NPAS3: variants seen among roughly 807,000 people sequenced by gnomAD.
NPAS3 encodes the protein neuronal PAS domain protein 3, also known as neuronal PAS domain-containing protein 3.
Under a neutral mutation model 73.1 loss-of-function variants are expected in NPAS3, and 14 were observed. The ratio of observed to expected loss-of-function variants is 0.19; its 90% confidence interval spans 0.13 to 0.30. NPAS3 has a LOEUF of 0.30. Among genes scored for constraint, NPAS3 ranks in the 10% least tolerant of loss-of-function variants. The pLI is 1.00. For synonymous variants in NPAS3, 620 were observed against 541.5 expected (o/e 1.14, Z -2.01); for missense variants, 1,096 against 1,250.0 (o/e 0.88, Z 1.86).
At chr14:33,622,879 C>G (rs925312695) in intron 5 of NPAS3, among the ~76,000 whole-genome samples, 1 of 152,022 alleles carries the variant, frequency 6.6e-6, no homozygotes, top group Non-Finnish European at 1.5e-5. Context: ...TCTACTTGCC[C>G]GGCACCCAAT....
chr14:33,111,936 G>A lies in NPAS3; in HGVS notation c.140+55942G>A, dbSNP rs560980784. 1.5e-4 allele frequency among the ~76,000 whole-genome samples: 23 copies of A among 151,556 alleles called. No homozygotes were observed. In the South Asian group the frequency reaches 4.8e-3, roughly 32 times the overall value. ...ATGCGGTGTTTGGTTTTTTGTCCTT[G>A]GTGATAGTTTGCTGAGAATGATGGT... On this transcript the variant is annotated intron_variant, in intron 2 of 11. Coordinates refer to ENST00000356141, the Ensembl canonical transcript of NPAS3.
At chr14:32,936,425 A>C (rs559957778), upstream of NPAS3, among the ~76,000 whole-genome samples, 1 of 152,306 alleles carries the variant, frequency 6.6e-6, no homozygotes, top group East Asian at 1.9e-4. Flanking sequence ...GGAATCTTTA[A>C]TACAAAAGAT....
chr14:33,546,576 T>G (rs1195418928), intron 4 of NPAS3, among the ~76,000 whole-genome samples: 1 of 152,234 alleles, frequency 6.6e-6, no homozygotes, highest in East Asian at 1.9e-4. Flanking sequence ...TTACTCTGTA[T>G]AGTAAGCTAT....
intron 2 of NPAS3, among the ~76,000 whole-genome samples, chr14:33,198,539 A>C (rs1382266111): frequency 6.6e-6 from 1 of 152,204 alleles, no homozygotes; most frequent in Non-Finnish European, 1.5e-5. Context: ...GCAAACCTTG[A>C]GCTAGATACC....
At chr14:33,516,769 A>G (rs1566965616) in intron 4 of NPAS3, among the ~76,000 whole-genome samples, 2 of 152,100 alleles carry the variant, frequency 1.3e-5, no homozygotes, top group Non-Finnish European at 2.9e-5. Flanking sequence ...CGTGATAATG[A>G]TGGTGATGAT....
intron 4 of NPAS3, among the ~76,000 whole-genome samples, chr14:33,438,568 A>T (rs1235342148): frequency 2.6e-5 from 4 of 152,228 alleles, no homozygotes; most frequent in Non-Finnish European, 1.5e-5. Flanking sequence ...GGATAACTGC[A>T]TGATAATTGG....
chr14:33,475,381 T>A (rs1275693615), intron 4 of NPAS3, among the ~76,000 whole-genome samples: 1 of 152,168 alleles, frequency 6.6e-6, no homozygotes, highest in Non-Finnish European at 1.5e-5. Flanking sequence ...AAAACAAATT[T>A]GATGCATTTT....
intron 5 of NPAS3, among the ~76,000 whole-genome samples, chr14:33,603,374 C>A (rs59168401): frequency 0.19 from 29,192 of 152,070 alleles, 3,203 homozygotes; most frequent in East Asian, 0.42. Flanking sequence ...AGCCTAATAT[C>A]CGTGTAAGTC....
chr14:33,106,699 A>G (rs1436240207), intron 2 of NPAS3, among the ~76,000 whole-genome samples: 1 of 152,156 alleles, frequency 6.6e-6, no homozygotes, highest in African/African-American at 2.4e-5. Context: ...TTATTTCCAG[A>G]ACATAATTTG....
upstream of NPAS3, among the ~76,000 whole-genome samples, chr14:32,938,347 GTTTC>G (rs1415796663): frequency 6.6e-6 from 1 of 151,824 alleles, no homozygotes; most frequent in African/African-American, 2.4e-5. Flanking sequence ...TCCTTTTTCT[GTTTC>G]TTTCTTTCCT....
chr14:32,941,845 G>A (rs1383608885), intron 1 of NPAS3, among the ~76,000 whole-genome samples: 1 of 152,148 alleles, frequency 6.6e-6, no homozygotes, highest in Non-Finnish European at 1.5e-5. Flanking sequence ...CGCAAACTTG[G>A]TCCCTTATCC....
chr14:32,958,629 A>G (rs1488598596), intron 1 of NPAS3, among the ~76,000 whole-genome samples: 1 of 152,210 alleles, frequency 6.6e-6, no homozygotes, highest in African/African-American at 2.4e-5. Flanking sequence ...CTCATTTGCC[A>G]TCAAGATCTC....
At chr14:33,392,436 A>T (rs1376761121) in intron 4 of NPAS3, among the ~76,000 whole-genome samples, 1 of 152,206 alleles carries the variant, frequency 6.6e-6, no homozygotes, top group East Asian at 1.9e-4. Flanking sequence ...ATCTGTACCT[A>T]GGTCTGTCGG....
chr14:33,303,773 A>G (rs1555371010), intron 3 of NPAS3, among the ~76,000 whole-genome samples: 1 of 135,106 alleles, frequency 7.4e-6, no homozygotes, highest in Non-Finnish European at 1.6e-5. Context: ...TTATTGGAGA[A>G]TAGCAGTTAT....
At chr14:33,561,128 C>T (rs368904860) in intron 5 of NPAS3, among the ~76,000 whole-genome samples, 6 of 152,292 alleles carry the variant, frequency 3.9e-5, no homozygotes, top group Non-Finnish European at 5.9e-5. Context: ...ATCTACCGCT[C>T]GTTCAGTTGC....
rs569965041 is a variant in NPAS3, at chr14:33,701,968, G to A, written c.733+25583G>A. 6.6e-5 allele frequency among the ~76,000 whole-genome samples: 10 copies of A among 152,258 alleles called. No homozygotes were observed. The South Asian group carries it at 2.1e-3, about 32-fold the overall frequency. ...AGATGGATGTAGAACCAACTATATA[G>A]GAAGCAAAACTAAACTGAGATGCTG... is the stretch of plus-strand genomic sequence containing the variant. On this transcript the variant is annotated intron_variant, in intron 6 of 11. Coordinates refer to ENST00000356141, the Ensembl canonical transcript of NPAS3.
chr14:33,171,958 A>T (rs1316297359), intron 2 of NPAS3, among the ~76,000 whole-genome samples: 1 of 152,102 alleles, frequency 6.6e-6, no homozygotes, highest in Non-Finnish European at 1.5e-5. Flanking sequence ...TGTCTCATAG[A>T]ATAGGGAATC....
In NPAS3 at chr14:33,457,108, G is replaced by A. The variant is rs571986113; in HGVS notation, c.468+89840G>A. On this transcript the variant is annotated intron_variant, in intron 4 of 11. Transcript: ENST00000356141. ...AAAGGATTAATGCCAGGTGAAGGGC[G>A]AGTCGCCGTCCAAATATTTATCTGT... Among the ~76,000 whole-genome samples, 9 of 152,328 alleles carry A rather than the reference G, an allele frequency of 5.9e-5. No individual in the cohort carries two copies. In the South Asian group the frequency reaches 6.2e-4, roughly 11 times the overall value.
Position 33,800,525 on chromosome 14 carries a change from GC to G in NPAS3, c.2223del (p.Val742SerfsTer68). On this transcript the variant is annotated frameshift_variant, in exon 12 of 12. Coordinates refer to ENST00000356141, the Ensembl canonical transcript of NPAS3. LOFTEE classifies it high-confidence loss of function. This position sits in a 1 kb window ranked among gnomAD's most constrained non-coding sequence, Gnocchi z 6.5. ...CGGCGCCTCGGCCACCGCGGCCCTGGCCCCCGTCGCCTCCGACCCGCTGTCA... is the reference window on the plus strand; with the variant it reads ...CGGCGCCTCGGCCACCGCGGCCCTGGCCCCGTCGCCTCCGACCCGCTGTCA... 8 of 1,384,260 alleles carry G rather than the reference GC, an allele frequency of 5.8e-6. No individual in the cohort carries two copies. Among genetic ancestry groups the G allele is most frequent in the Non-Finnish European group, 6.5e-6 (7 of 1,076,444 alleles). 85.7% of individuals were successfully genotyped at this position (1,384,260 alleles called of 1,614,324 possible).
Sources: allele counts gnomAD v4.1 joint callset (sites outside exome capture counted in the v4.1 genomes callset), GRCh38; gene constraint gnomAD v4.1.1; non-coding constraint Gnocchi (gnomAD v3.1); transcripts MANE v1.5; gene names NCBI Gene and HGNC (gene_info 2026-07-23, HGNC 2026-07-21).